The following MTUS1 variants were observed in gnomAD, a reference collection of about 807,000 sequenced individuals.
MTUS1 encodes microtubule associated scaffold protein 1, also known as microtubule-associated tumor suppressor 1.
MTUS1 carries 109 observed loss-of-function variants against 120.8 expected under a neutral mutation model. The observed-to-expected ratio is 0.90, with a 90% CI of 0.77 to 1.06. The LOEUF is 1.06. Among genes scored for constraint, MTUS1 ranks in the 50% least tolerant of loss-of-function variants. The pLI, the probability that MTUS1 is intolerant of heterozygous loss-of-function variation, is 0.00. For missense variants in MTUS1, 2,210 were observed against 1,486.3 expected (o/e 1.49, Z -8.01); for synonymous variants, 737 against 550.5 (o/e 1.34, Z -4.74).
At chr8:17,779,110 G>C (rs1443979738) in intron 1 of MTUS1, among the ~76,000 whole-genome samples, 1 of 152,176 alleles carries the variant, frequency 6.6e-6, no homozygotes, top group Non-Finnish European at 1.5e-5. Context: ...AGTCACACAA[G>C]CTTAGACCCC....
At chr8:17,657,737 G>C (rs893594757) in intron 8 of MTUS1, among the ~76,000 whole-genome samples, 35 of 145,016 alleles carry the variant, frequency 2.4e-4, no homozygotes, top group Non-Finnish European at 4.3e-4. Flanking sequence ...TGAGGTGGGA[G>C]GATCACTTGA....
intron 6 of MTUS1, among the ~76,000 whole-genome samples, chr8:17,709,917 G>A (rs1482951981): frequency 6.6e-6 from 1 of 151,794 alleles, no homozygotes; most frequent in Non-Finnish European, 1.5e-5. Context: ...TGAGGCAGGA[G>A]AATGGCGTGA....
At chr8:17,724,748 G>A (rs1172539513) in intron 3 of MTUS1, among the ~76,000 whole-genome samples, 3 of 152,202 alleles carry the variant, frequency 2.0e-5, no homozygotes, top group Middle Eastern at 3.4e-3. Context: ...CATTCTCTTG[G>A]AGAGTCTATT....
intron 3 of MTUS1, among the ~76,000 whole-genome samples, chr8:17,729,984 CAAAA>C (rs36018422): frequency 0.013 from 1,107 of 85,848 alleles, 12 homozygotes; most frequent in African/African-American, 0.045. Flanking sequence ...ATGCTATCAT[CAAAA>C]AAAAAAAAAA....
At chr8:17,676,551 G>T (rs749466988) in intron 7 of MTUS1, 166 of 573,552 alleles carry the variant, frequency 2.9e-4, no homozygotes, top group Middle Eastern at 4.7e-4. Flanking sequence ...GGCACAGGCA[G>T]CCTGTGATTA....
intron 8 of MTUS1, among the ~76,000 whole-genome samples, chr8:17,665,732 C>T (rs1390921163): frequency 6.6e-6 from 1 of 152,158 alleles, no homozygotes; most frequent in African/African-American, 2.4e-5. Context: ...TTTTTCCCAG[C>T]CTGAGATGTA....
upstream of MTUS1, chr8:17,801,250 C>G (rs2052659800): frequency 6.6e-6 from 1 of 151,538 alleles, no homozygotes; most frequent in African/African-American, 2.4e-5. Flanking sequence ...GAGCCCCGGC[C>G]TCCCCGCCTC....
At chr8:17,721,855 G>T in intron 4 of MTUS1, 1 of 1,614,010 alleles carries the variant, frequency 6.2e-7, no homozygotes, top group South Asian at 1.1e-5. Context: ...GATTTTTGAA[G>T]AAATATCAGT....
At chr8:17,699,482 G>A (rs1038297342) in intron 6 of MTUS1, among the ~76,000 whole-genome samples, 1 of 152,146 alleles carries the variant, frequency 6.6e-6, no homozygotes, top group Non-Finnish European at 1.5e-5. Flanking sequence ...CCCAAGTGCT[G>A]GGATTACAGG....
chr8:17,732,045 G>A (rs1368671810), intron 3 of MTUS1, among the ~76,000 whole-genome samples: 1 of 152,212 alleles, frequency 6.6e-6, no homozygotes, highest in African/African-American at 2.4e-5. Flanking sequence ...AACAAAGAGA[G>A]GAGGAGGTCC....
At chr8:17,782,365 G>A (rs1347803025) in intron 1 of MTUS1, among the ~76,000 whole-genome samples, 1 of 152,096 alleles carries the variant, frequency 6.6e-6, no homozygotes, top group African/African-American at 2.4e-5. Context: ...ATTTCTAATT[G>A]GAAAAGGTCT....
At chr8:17,757,885 A>G (rs2048743915) in intron 1 of MTUS1, among the ~76,000 whole-genome samples, 1 of 152,158 alleles carries the variant, frequency 6.6e-6, no homozygotes, top group South Asian at 2.1e-4. Context: ...GTGCCAAAGA[A>G]AGGTCCAAAT....
chr8:17,717,603 T>A (rs560522174), intron 4 of MTUS1, among the ~76,000 whole-genome samples: 1 of 152,350 alleles, frequency 6.6e-6, no homozygotes, highest in East Asian at 1.9e-4. Flanking sequence ...TAATATGCAA[T>A]TGTATGATTC....
At chr8:17,781,786 C>A (rs973288384) in intron 1 of MTUS1, among the ~76,000 whole-genome samples, 3 of 152,206 alleles carry the variant, frequency 2.0e-5, no homozygotes, top group African/African-American at 7.2e-5. Context: ...AGTGGTGGCT[C>A]TGTGCCATGA....
At chr8:17,654,764 G>C (rs540491481) in intron 9 of MTUS1, 98 bp from the exon 10 acceptor site, 4 of 787,430 alleles carry the variant, frequency 5.1e-6, no homozygotes, top group Non-Finnish European at 8.7e-6. Context: ...CAGCTTCACA[G>C]GTAAGCGTGG....
At chr8:17,725,253 A>C (rs1302716131) in intron 3 of MTUS1, among the ~76,000 whole-genome samples, 1 of 152,222 alleles carries the variant, frequency 6.6e-6, no homozygotes, top group Non-Finnish European at 1.5e-5. Flanking sequence ...GAGTCAAATA[A>C]TGCTGCTGGA....
intron 7 of MTUS1, among the ~76,000 whole-genome samples, chr8:17,679,026 A>C (rs10109250): frequency 0.57 from 86,551 of 151,516 alleles, 25,477 homozygotes; most frequent in Middle Eastern, 0.7. Flanking sequence ...CATGAGATAT[A>C]AGAATGTCTG....
chr8:17,774,605 T>A (rs1483124393), intron 1 of MTUS1, among the ~76,000 whole-genome samples: 1 of 152,138 alleles, frequency 6.6e-6, no homozygotes, highest in African/African-American at 2.4e-5. Context: ...CTGGTGAGGA[T>A]ATGGAGAAAT....
intron 12 of MTUS1, among the ~76,000 whole-genome samples, chr8:17,652,495 G>C (rs763142612): frequency 7.2e-5 from 11 of 152,068 alleles, no homozygotes; most frequent in Non-Finnish European, 1.5e-4. Context: ...TGGGGAATTT[G>C]GGGGAATGGG....
Sources: allele counts gnomAD v4.1 joint callset (sites outside exome capture counted in the v4.1 genomes callset), GRCh38; gene constraint gnomAD v4.1.1; transcripts MANE v1.5; gene names NCBI Gene and HGNC (gene_info 2026-07-23, HGNC 2026-07-21).